Variants in SPG11 observed in about 807,000 individuals in gnomAD.
SPG11 encodes the protein SPG11 vesicle trafficking associated, spatacsin.
In SPG11, 222 loss-of-function variants were observed where a neutral mutation model predicts 274.0. The ratio of observed to expected loss-of-function variants is 0.81; its 90% confidence interval spans 0.73 to 0.91. SPG11 has a LOEUF of 0.91. Among genes scored for constraint, SPG11 ranks in the 40% least tolerant of loss-of-function variants. SPG11 has a pLI of 0.00. For missense variants in SPG11, 3,114 were observed against 2,872.7 expected (o/e 1.08, Z -1.92); for synonymous variants, 1,144 against 1,039.7 (o/e 1.10, Z -1.93).
intron 4 of SPG11, among the ~76,000 whole-genome samples, chr15:44,652,549 C>G (rs1241276655): frequency 6.6e-6 from 1 of 152,154 alleles, no homozygotes; most frequent in East Asian, 1.9e-4. Flanking sequence ...CTTATTTAAG[C>G]CTCTAACAAC....
intron 11 of SPG11, among the ~76,000 whole-genome samples, chr15:44,625,567 T>C (rs2083873975): frequency 6.6e-6 from 1 of 152,232 alleles, no homozygotes; most frequent in Non-Finnish European, 1.5e-5. Context: ...CTGCCATGAC[T>C]GTAAGTTTCC....
chr15:44,634,877 G>A (rs901393916), intron 7 of SPG11, among the ~76,000 whole-genome samples: 1 of 152,104 alleles, frequency 6.6e-6, no homozygotes, highest in African/African-American at 2.4e-5. Context: ...ATCGCACCTG[G>A]CTGCATTCTA....
rs758187931 is a variant in SPG11, at chr15:44,583,961, C to G, written c.5719G>C (p.Asp1907His). Residue 1907 changes from aspartate (D) to histidine (H), a missense_variant, in exon 30 of 40, where the codon GAT (aspartate) becomes CAT (histidine). By Grantham distance (81) the Asp-to-His change is moderately conservative. Coordinates refer to ENST00000261866, the MANE Select transcript of SPG11 (RefSeq NM_025137.4). ...CTGCAGTGCAATACCAAGGCGACAT[C>G]TGGATTATAAAAATGAAAATACCGG... ...VCRYFHFYNP[D>H]VALVLHCRAL... The G allele has an allele frequency of 1.2e-6, 2 of 1,614,206 alleles. No homozygotes were observed. The highest frequency in any genetic ancestry group is 1.3e-5 in the African/African-American group (1 of 75,038).
intron 37 of SPG11, 71 bp downstream of exon 37, chr15:44,566,146 A>G (rs1041289298): frequency 1.9e-6 from 3 of 1,598,784 alleles, no homozygotes; most frequent in Non-Finnish European, 2.6e-6. Context: ...AAAGAGCCCA[A>G]GGACAAAAGA....
chr15:44,568,553 C>T (rs2082353638), intron 35 of SPG11, among the ~76,000 whole-genome samples: 1 of 152,196 alleles, frequency 6.6e-6, no homozygotes, highest in Non-Finnish European at 1.5e-5. Flanking sequence ...TCACAGAGGA[C>T]ACTGAGGACA....
At chr15:44,568,083 A>C (rs1408969572) in intron 35 of SPG11, among the ~76,000 whole-genome samples, 1 of 152,214 alleles carries the variant, frequency 6.6e-6, no homozygotes, top group Non-Finnish European at 1.5e-5. Context: ...TCTTCACTGT[A>C]TAAGTTTTAT....
At chr15:44,570,321 G>A (rs758880636) in intron 34 of SPG11, among the ~76,000 whole-genome samples, 4 of 152,152 alleles carry the variant, frequency 2.6e-5, no homozygotes, top group Non-Finnish European at 4.4e-5. Context: ...TCTCCCTTTC[G>A]CTCCTTTGGA....
intron 30 of SPG11, among the ~76,000 whole-genome samples, chr15:44,577,772 C>G (rs546563745): frequency 6.6e-6 from 1 of 152,252 alleles, no homozygotes; most frequent in South Asian, 2.1e-4. Flanking sequence ...ATTATCCCCC[C>G]TCTAGCAAGC....
intron 3 of SPG11, 96 bp downstream of exon 3, chr15:44,658,983 A>T (rs1021542516): frequency 5.1e-6 from 6 of 1,166,246 alleles, no homozygotes; most frequent in Non-Finnish European, 7.6e-6. Context: ...CACACTTCCT[A>T]TATCCCAGCT....
At chr15:44,571,601 C>T (rs1420252375) in intron 33 of SPG11, among the ~76,000 whole-genome samples, 1 of 151,242 alleles carries the variant, frequency 6.6e-6, no homozygotes, top group Non-Finnish European at 1.5e-5. Context: ...GGGTTCAGGC[C>T]ATTCTCCTGC....
intron 7 of SPG11, among the ~76,000 whole-genome samples, chr15:44,635,100 C>T (rs2084199081): frequency 6.6e-6 from 1 of 151,750 alleles, no homozygotes; most frequent in African/African-American, 2.4e-5. Flanking sequence ...CCTGTACTCT[C>T]AGCTACTCAA....
chr15:44,654,995 G>C (rs2084896596), intron 4 of SPG11, among the ~76,000 whole-genome samples: 1 of 152,200 alleles, frequency 6.6e-6, no homozygotes, highest in Non-Finnish European at 1.5e-5. Flanking sequence ...ATACTGTACT[G>C]CTGTAATAAT....
intron 15 of SPG11, among the ~76,000 whole-genome samples, chr15:44,617,145 G>T (rs891356105): frequency 1.3e-5 from 2 of 152,168 alleles, no homozygotes; most frequent in African/African-American, 4.8e-5. Context: ...GGAGATAAAA[G>T]GAAATATCCT....
intron 12 of SPG11, 34 bp from the exon 13 acceptor site, chr15:44,622,381 C>T (rs758101108): frequency 1.3e-6 from 2 of 1,500,492 alleles, no homozygotes; most frequent in Admixed American, 1.9e-5. Flanking sequence ...AGTGACTTTA[C>T]AAAAAATCAA....
At chr15:44,626,003 G>A (rs1281117241) in intron 11 of SPG11, among the ~76,000 whole-genome samples, 1 of 152,004 alleles carries the variant, frequency 6.6e-6, no homozygotes, top group East Asian at 1.9e-4. Flanking sequence ...ATAGCAATAT[G>A]AGAATGGACT....
rs146136260 is a variant in SPG11, at chr15:44,588,083, G to A, written c.4906+1169C>T. 9.7e-3 allele frequency among the ~76,000 whole-genome samples: 1,481 copies of A among 152,222 alleles called. 15 individuals carry two copies. Among genetic ancestry groups the A allele is most frequent in the Non-Finnish European group, 0.017 (1,177 of 68,010 alleles). Reference sequence around the variant, plus strand: ...GCTCAGGATTCTGTCAGTGTTCTGTGCAAATCTGAGCTCTCCAGCTGAACA... The same window carrying A: ...GCTCAGGATTCTGTCAGTGTTCTGTACAAATCTGAGCTCTCCAGCTGAACA... On this transcript the variant is annotated intron_variant, in intron 28 of 39. Transcript: ENST00000261866.
intron 20 of SPG11, among the ~76,000 whole-genome samples, chr15:44,605,758 AAT>A (rs371318969): frequency 6.6e-6 from 1 of 152,352 alleles, no homozygotes; most frequent in East Asian, 1.9e-4. Flanking sequence ...CTATACTGGA[AAT>A]GAAGAATAAC....
In SPG11 at chr15:44,587,859, T is replaced by C. The variant is rs568232824; in HGVS notation, c.4906+1393A>G. On this transcript the variant is annotated intron_variant, in intron 28 of 39. Transcript: ENST00000261866. ...GTCAATTCTTATAATTATTCAAAGA[T>C]AGATTATGGCAAACAACAGGAAATT... 1.6e-4 allele frequency among the ~76,000 whole-genome samples: 24 copies of C among 152,272 alleles called. No homozygotes were observed. The East Asian group carries it at 3.7e-3, about 23-fold the overall frequency.
chr15:44,585,601 C>CAA (rs2082743344), intron 29 of SPG11, 35 bp downstream of exon 29: 1 of 1,116,406 alleles, frequency 9.0e-7, no homozygotes, highest in African/African-American at 2.0e-5. Context: ...GACCCCGTAT[C>CAA]TAAAAAAAAA....
Sources: allele counts gnomAD v4.1 joint callset (sites outside exome capture counted in the v4.1 genomes callset), GRCh38; gene constraint gnomAD v4.1.1; transcripts MANE v1.5; gene names NCBI Gene and HGNC (gene_info 2026-07-23, HGNC 2026-07-21).